CTPS2: variants seen among roughly 807,000 people sequenced by gnomAD.
CTPS2 encodes CTP synthase 2, also known as CTP synthase II.
A neutral mutation model predicts 46.8 loss-of-function variants in CTPS2; 19 were observed. That is an observed-to-expected ratio of 0.41 (90% CI 0.28 to 0.60). The LOEUF (loss-of-function observed/expected upper bound fraction) is 0.60. CTPS2 is among the 20% of genes least tolerant of loss of function. The probability of loss-of-function intolerance (pLI) is 0.35; values close to 1 mark genes in which losing one functional copy is unlikely to be tolerated. For synonymous variants in CTPS2, 151 were observed against 165.2 expected (o/e 0.91, Z 0.66); for missense variants, 286 against 447.6 (o/e 0.64, Z 3.26).
intron 14 of CTPS2, among the ~76,000 whole-genome samples, chrX:16,630,913 G>T (rs1266110311): frequency 8.8e-6 from 1 of 113,065 alleles, no homozygotes; most frequent in East Asian, 2.8e-4. Context: ...TTTGTCTGTA[G>T]CTGCTTTCAC....
intron 10 of CTPS2, among the ~76,000 whole-genome samples, chrX:16,674,622 A>G (rs1257353939): frequency 4.7e-5 from 5 of 105,459 alleles, no homozygotes; most frequent in South Asian, 4.5e-4. Flanking sequence ...GCAGATCACG[A>G]GGTCAGGAGA....
intron 10 of CTPS2, among the ~76,000 whole-genome samples, chrX:16,675,269 C>A (rs867184171): frequency 5.1e-3 from 358 of 70,504 alleles, no homozygotes; most frequent in Non-Finnish European, 4.9e-3. Context: ...GACTGTGTCT[C>A]AAAAAAAAAA....
At chrX:16,668,615 A>G (rs1319671800) in intron 11 of CTPS2, among the ~76,000 whole-genome samples, 2 of 99,895 alleles carry the variant, frequency 2.0e-5, no homozygotes, top group African/African-American at 7.5e-5. Context: ...GAGAGAGAGG[A>G]AGGAGGGAAG....
At chrX:16,603,640 A>G (rs1162025857) in intron 17 of CTPS2, among the ~76,000 whole-genome samples, 2 of 110,117 alleles carry the variant, frequency 1.8e-5, no homozygotes, top group East Asian at 2.8e-4. Flanking sequence ...AAAGAATCAT[A>G]TACAGGTATA....
chrX:16,711,785 G>A (rs966646771), intron 1 of CTPS2: 7 of 111,497 alleles, frequency 6.3e-5, no homozygotes, highest in Non-Finnish European at 9.4e-5. Flanking sequence ...CCCCAAAAAA[G>A]CTATTCTGTA....
intron 6 of CTPS2, among the ~76,000 whole-genome samples, chrX:16,692,168 A>C (rs745386758): frequency 3.6e-5 from 4 of 111,236 alleles, no homozygotes; most frequent in Non-Finnish European, 5.6e-5. Context: ...AAATAAGAGC[A>C]GCGGACTGGG....
intron 13 of CTPS2, 87 bp from the exon 14 acceptor site, chrX:16,639,330 T>C (rs766022150): frequency 1.0e-4 from 69 of 682,570 alleles, no homozygotes; most frequent in Admixed American, 4.5e-4. Flanking sequence ...GGAATGATCA[T>C]TGGGTAAGCA....
chrX:16,652,767 G>A (rs1932706736), intron 13 of CTPS2, among the ~76,000 whole-genome samples: 1 of 111,583 alleles, frequency 9.0e-6, no homozygotes, highest in Non-Finnish European at 1.9e-5. Flanking sequence ...TACTTAACAT[G>A]TACCTGATTA....
At chrX:16,665,137 A>G (rs779232878) in intron 13 of CTPS2, among the ~76,000 whole-genome samples, 1 of 112,256 alleles carries the variant, frequency 8.9e-6, no homozygotes, top group Non-Finnish European at 1.9e-5. Context: ...AGACAGAAAT[A>G]ACAAATGTTC....
chrX:16,711,658 T>C (rs2147404962), intron 1 of CTPS2: 1 of 111,147 alleles, frequency 9.0e-6, no homozygotes, highest in East Asian at 2.8e-4. Context: ...TGGTCAATGT[T>C]CACTTTGGGA....
At chrX:16,669,742 A>G (rs1319075161) in intron 11 of CTPS2, among the ~76,000 whole-genome samples, 1 of 109,611 alleles carries the variant, frequency 9.1e-6, no homozygotes, top group Non-Finnish European at 1.9e-5. Flanking sequence ...CTGGCACTAA[A>G]AGCCTGTCCA....
At position 16,703,376 on chromosome X, in the gene CTPS2, G is replaced by T. The variant is rs764018668; in HGVS notation, c.-39-435C>A. 5.5e-5 allele frequency among the ~76,000 whole-genome samples: 6 copies of T among 109,253 alleles called. No homozygotes were observed. In the East Asian group the frequency reaches 1.7e-3, roughly 31 times the overall value. 94.9% of individuals were successfully genotyped at this position (109,253 alleles called of 115,157 possible). On this transcript the variant is annotated intron_variant, in intron 1 of 18. Coordinates refer to ENST00000359276, the MANE Select transcript of CTPS2 (RefSeq NM_175859.3). ...GACAGTGTCTCCCTATGTCACCCAGGCTGGAGTGCAGTGGCATGTTCATAG... is the reference window on the plus strand; with the variant it reads ...GACAGTGTCTCCCTATGTCACCCAGTCTGGAGTGCAGTGGCATGTTCATAG...
intron 4 of CTPS2, among the ~76,000 whole-genome samples, chrX:16,694,940 G>A (rs1333514515): frequency 1.8e-5 from 2 of 111,266 alleles, no homozygotes; most frequent in South Asian, 3.7e-4. Flanking sequence ...AGGCTGCAGT[G>A]AGTCATGATC....
intron 7 of CTPS2, among the ~76,000 whole-genome samples, chrX:16,689,823 G>A (rs1923546087): frequency 9.0e-6 from 1 of 111,360 alleles, no homozygotes; most frequent in Admixed American, 9.7e-5. Flanking sequence ...AGGCCGAGGC[G>A]GGCAGATCAC....
chrX:16,670,715 T>C, intron 10 of CTPS2, 41 bp from the exon 11 acceptor site: 1 of 997,184 alleles, frequency 1.0e-6, no homozygotes, highest in Non-Finnish European at 1.4e-6. Flanking sequence ...GACTATCCAT[T>C]TTTTTTTTAA....
intron 9 of CTPS2, among the ~76,000 whole-genome samples, chrX:16,678,725 C>T (rs1466232658): frequency 3.6e-5 from 4 of 110,103 alleles, no homozygotes; most frequent in South Asian, 7.8e-4. Flanking sequence ...GGGTCAACCG[C>T]GTGGGGTGGC....
chrX:16,629,661 C>T (rs370749019), intron 14 of CTPS2, among the ~76,000 whole-genome samples: 13 of 111,359 alleles, frequency 1.2e-4, no homozygotes, highest in South Asian at 7.5e-4. Context: ...AGCTGTTTTT[C>T]CATATCAATG....
intron 13 of CTPS2, among the ~76,000 whole-genome samples, chrX:16,655,327 T>C (rs1410043714): frequency 5.4e-5 from 6 of 111,518 alleles, no homozygotes; most frequent in Non-Finnish European, 7.5e-5. Flanking sequence ...ATATAAAAGA[T>C]CACAGGAAGA....
intron 14 of CTPS2, among the ~76,000 whole-genome samples, chrX:16,636,711 T>C (rs1399727199): frequency 9.0e-6 from 1 of 110,980 alleles, no homozygotes; most frequent in Non-Finnish European, 1.9e-5. Context: ...GATCACGAGG[T>C]CAGGAGATCA....
Sources: gnomAD v4.1 joint callset for allele counts (sites outside exome capture counted in the v4.1 genomes callset) on GRCh38, gnomAD v4.1.1 for gene constraint, MANE v1.5 for transcripts, NCBI Gene and HGNC (gene_info 2026-07-23, HGNC 2026-07-21) for gene names.